Variants in SLC6A11 observed in about 807,000 individuals in gnomAD.
SLC6A11 encodes solute carrier family 6 member 11.
SLC6A11 carries 25 observed loss-of-function variants against 74.8 expected under a neutral mutation model. The ratio of observed to expected loss-of-function variants is 0.33; its 90% confidence interval spans 0.24 to 0.47. The LOEUF (loss-of-function observed/expected upper bound fraction) is 0.47, where lower values mean the gene tolerates loss of function less well. SLC6A11 is among the 20% of genes least tolerant of loss of function. The pLI, the probability that SLC6A11 is intolerant of heterozygous loss-of-function variation, is 1.00. For synonymous variants in SLC6A11, 330 were observed against 330.2 expected (o/e 1.00, Z 0.01); for missense variants, 574 against 837.0 (o/e 0.69, Z 3.88).
Position 10,926,262 on chromosome 3 carries a change from C to T in SLC6A11, c.1233+146C>T. 1.8e-5 allele frequency: 11 copies of T among 611,890 alleles called. No individual in the cohort carries two copies. 37.9% of individuals were successfully genotyped at this position (611,890 alleles called of 1,614,324 possible). On this transcript the variant is annotated intron_variant, in intron 9 of 13. Transcript: ENST00000254488. This position sits in a 1 kb window ranked among gnomAD's most constrained non-coding sequence, Gnocchi z 5.7. ...CCCTGCCCACCGTCCCCCATTCCAC[C>T]CTCCACTTCCCTCCCAGCAACTCTT...
At chr3:10,903,193 C>T (rs974499933) in intron 6 of SLC6A11, among the ~76,000 whole-genome samples, 6 of 152,184 alleles carry the variant, frequency 3.9e-5, no homozygotes, top group African/African-American at 7.2e-5. Context: ...TTTAATTGGT[C>T]GGTCAGCTGA....
chr3:10,869,028 A>G (rs993130842), intron 5 of SLC6A11, among the ~76,000 whole-genome samples: 19 of 152,200 alleles, frequency 1.2e-4, no homozygotes, highest in African/African-American at 3.6e-4. Flanking sequence ...CTGCATTGTA[A>G]CCTCAGAGTT....
chr3:10,914,356 C>T (rs1695426825), intron 7 of SLC6A11, among the ~76,000 whole-genome samples: 1 of 152,224 alleles, frequency 6.6e-6, no homozygotes, highest in South Asian at 2.1e-4. Flanking sequence ...CTTGTTAAGT[C>T]GGCAGTGTTT....
At chr3:10,830,490 C>A (rs1224497599) in intron 4 of SLC6A11, among the ~76,000 whole-genome samples, 1 of 152,190 alleles carries the variant, frequency 6.6e-6, no homozygotes, top group Non-Finnish European at 1.5e-5. Flanking sequence ...AAGACTCACC[C>A]TTATGGAGCT....
intron 3 of SLC6A11, 85 bp from the exon 4 acceptor site, chr3:10,823,217 T>C (rs1694159975): frequency 7.3e-6 from 7 of 959,484 alleles, no homozygotes; most frequent in African/African-American, 1.6e-5. Flanking sequence ...AAATGCCTAG[T>C]TGCGCATCAG....
intron 4 of SLC6A11, among the ~76,000 whole-genome samples, chr3:10,842,977 T>C (rs947534515): frequency 6.6e-6 from 1 of 152,078 alleles, no homozygotes; most frequent in African/African-American, 2.4e-5. Context: ...GCTTTCATGC[T>C]TGGTGGGATG....
chr3:10,851,002 G>T (rs1029774375), intron 5 of SLC6A11, among the ~76,000 whole-genome samples: 27 of 152,270 alleles, frequency 1.8e-4, no homozygotes. Context: ...GCTGTCCTTT[G>T]CCTTTTGAAC....
At chr3:10,858,302 C>A (rs143624054) in intron 5 of SLC6A11, among the ~76,000 whole-genome samples, 4 of 152,112 alleles carry the variant, frequency 2.6e-5, no homozygotes, top group African/African-American at 9.7e-5. Flanking sequence ...AAAAAATCTT[C>A]GAGGATATAT....
chr3:10,923,197 G>A (rs1448997559), intron 8 of SLC6A11, among the ~76,000 whole-genome samples: 2 of 151,000 alleles, frequency 1.3e-5, no homozygotes, highest in African/African-American at 2.4e-5. Flanking sequence ...ATACTCCACA[G>A]TTATGAGCAC....
At chr3:10,916,298 A>G (rs956510925) in intron 7 of SLC6A11, among the ~76,000 whole-genome samples, 1 of 152,206 alleles carries the variant, frequency 6.6e-6, no homozygotes, top group Non-Finnish European at 1.5e-5. Context: ...TCACAGTACC[A>G]GAAGAGTTAT....
At chr3:10,840,754 A>G (rs1175890655) in intron 4 of SLC6A11, among the ~76,000 whole-genome samples, 2 of 152,176 alleles carry the variant, frequency 1.3e-5, no homozygotes, top group Non-Finnish European at 2.9e-5. Flanking sequence ...CTGGGCTCAA[A>G]TCCAAGCTCT....
intron 5 of SLC6A11, among the ~76,000 whole-genome samples, chr3:10,861,201 A>G (rs1694699348): frequency 1.3e-5 from 2 of 152,308 alleles, no homozygotes; most frequent in South Asian, 4.1e-4. Context: ...TTGATTGGTT[A>G]TTTGATTAAT....
At chr3:10,821,439 A>G (rs1033498483) in intron 3 of SLC6A11, among the ~76,000 whole-genome samples, 4 of 152,248 alleles carry the variant, frequency 2.6e-5, no homozygotes, top group Non-Finnish European at 5.9e-5. Flanking sequence ...TGAGAATGCA[A>G]CACACCATAG....
intron 10 of SLC6A11, among the ~76,000 whole-genome samples, chr3:10,930,082 G>A (rs181420504): frequency 3.2e-4 from 49 of 152,302 alleles, no homozygotes; most frequent in Admixed American, 1.3e-3. Flanking sequence ...AAAGAAATGA[G>A]GGAACTCAGA....
At chr3:10,882,327 G>A (rs1471061443) in intron 6 of SLC6A11, among the ~76,000 whole-genome samples, 6 of 152,132 alleles carry the variant, frequency 3.9e-5, no homozygotes, top group African/African-American at 1.2e-4. Flanking sequence ...CGGGGTGCCC[G>A]CCCGACCGGT....
At chr3:10,871,553 G>A (rs1292690910) in intron 5 of SLC6A11, among the ~76,000 whole-genome samples, 3 of 151,908 alleles carry the variant, frequency 2.0e-5, no homozygotes, top group African/African-American at 4.8e-5. Flanking sequence ...GGGGGGAGGG[G>A]GTGATTTTGA....
intron 8 of SLC6A11, among the ~76,000 whole-genome samples, chr3:10,925,775 CCCTT>C (rs1463052764): frequency 1.3e-5 from 2 of 152,284 alleles, no homozygotes; most frequent in Non-Finnish European, 2.9e-5. Context: ...TGAATCCTGA[CCCTT>C]CCAAGGCCCT....
chr3:10,936,433 G>A (rs947483703), intron 13 of SLC6A11, among the ~76,000 whole-genome samples: 2 of 152,224 alleles, frequency 1.3e-5, no homozygotes, highest in Admixed American at 1.3e-4. Flanking sequence ...GACTGCAGGA[G>A]TTGAACTTGG....
chr3:10,877,655 G>A (rs766991784), intron 6 of SLC6A11, among the ~76,000 whole-genome samples: 1 of 152,192 alleles, frequency 6.6e-6, no homozygotes, highest in African/African-American at 2.4e-5. Context: ...TAGGCAGGCA[G>A]CCTTTATGGG....
Sources: allele counts gnomAD v4.1 joint callset (sites outside exome capture counted in the v4.1 genomes callset), GRCh38; gene constraint gnomAD v4.1.1; non-coding constraint Gnocchi (gnomAD v3.1); transcripts MANE v1.5; gene names NCBI Gene and HGNC (gene_info 2026-07-23, HGNC 2026-07-21).